Variants in LARGE1 observed in about 807,000 individuals in gnomAD.
The protein encoded by LARGE1 is LARGE xylosyl- and glucuronyltransferase 1.
In LARGE1, 43 loss-of-function variants were observed where a neutral mutation model predicts 87.6. The ratio of observed to expected loss-of-function variants is 0.49; its 90% CI spans 0.38 to 0.63. The LOEUF is 0.63. LARGE1 is among the 30% of genes least tolerant of loss of function. The pLI is 0.00. For missense variants in LARGE1, 802 were observed against 1,000.2 expected (o/e 0.80, Z 2.67); for synonymous variants, 434 against 394.6 (o/e 1.10, Z -1.18).
chr22:33,513,339 G>A (rs1291399991), intron 6 of LARGE1, among the ~76,000 whole-genome samples: 1 of 152,170 alleles, frequency 6.6e-6, no homozygotes. Flanking sequence ...AAGAAAAGCT[G>A]CCCAAGTCTA....
intron 10 of LARGE1, among the ~76,000 whole-genome samples, chr22:33,336,917 C>T (rs912589063): frequency 1.3e-5 from 2 of 151,890 alleles, no homozygotes; most frequent in Admixed American, 6.6e-5. Flanking sequence ...AAAAATTAGC[C>T]GGGTGTGGTG....
intron 1 of LARGE1, among the ~76,000 whole-genome samples, chr22:33,782,204 A>T (rs1242113731): frequency 4.6e-5 from 7 of 152,190 alleles, no homozygotes; most frequent in Non-Finnish European, 7.3e-5. Context: ...AAAATGTTTA[A>T]AGCACTAAAA....
chr22:33,561,357 G>A (rs1389987436), intron 6 of LARGE1, among the ~76,000 whole-genome samples: 2 of 152,182 alleles, frequency 1.3e-5, no homozygotes, highest in East Asian at 3.8e-4. Flanking sequence ...CAGAGTAGTT[G>A]GTAGTCAGAC....
At chr22:33,837,371 CAT>C (rs939071299) in intron 1 of LARGE1, among the ~76,000 whole-genome samples, 12 of 151,710 alleles carry the variant, frequency 7.9e-5, no homozygotes, top group African/African-American at 2.7e-4. Context: ...TTTATATATA[CAT>C]GTGTGTATGT....
chr22:33,300,119 T>G (rs1035697491), intron 12 of LARGE1, among the ~76,000 whole-genome samples: 4 of 152,176 alleles, frequency 2.6e-5, no homozygotes, highest in African/African-American at 7.2e-5. Flanking sequence ...GTCGGCCTGC[T>G]CTGGTACCCT....
intron 2 of LARGE1, among the ~76,000 whole-genome samples, chr22:33,684,024 AGGGTAGGAAGG>A (rs933145480): frequency 3.3e-5 from 5 of 152,174 alleles, no homozygotes; most frequent in African/African-American, 1.2e-4. Context: ...GACAGCCAGG[AGGGTAGGAAGG>A]TGTGGAGAGT....
intron 9 of LARGE1, among the ~76,000 whole-genome samples, chr22:33,339,617 CT>C (rs1317702977): frequency 6.6e-6 from 1 of 151,686 alleles, no homozygotes; most frequent in Non-Finnish European, 1.5e-5. Flanking sequence ...GACAGAAGGC[CT>C]TGTAGACAGT....
At chr22:33,117,997 C>G in the LARGE1 span, among the ~76,000 whole-genome samples, 1 of 152,130 alleles carries the variant, frequency 6.6e-6, no homozygotes, top group Non-Finnish European at 1.5e-5. Flanking sequence ...ACCTTTTGAT[C>G]ATTGTTTCTT....
At chr22:33,322,824 T>C (rs758945719) in intron 10 of LARGE1, 1 of 152,086 alleles carries the variant, frequency 6.6e-6, no homozygotes, top group Non-Finnish European at 1.5e-5. Context: ...ACAGTGGGTA[T>C]TGTAGAAAAA....
the LARGE1 span, among the ~76,000 whole-genome samples, chr22:33,104,955 CTCTTTCTCTCTTTCTT>C: frequency 5.2e-5 from 7 of 133,938 alleles, no homozygotes; most frequent in East Asian, 2.2e-4. Context: ...TTCTCTTTCT[CTCTTTCTCTCTTTCTT>C]TCTTTCTTTT....
At chr22:33,419,884 G>A (rs925370008) in intron 7 of LARGE1, among the ~76,000 whole-genome samples, 5 of 152,044 alleles carry the variant, frequency 3.3e-5, no homozygotes, top group Non-Finnish European at 5.9e-5. Flanking sequence ...AGTAGAGGTG[G>A]GGTTTCACCA....
intron 11 of LARGE1, among the ~76,000 whole-genome samples, chr22:33,244,247 G>A (rs544916168): frequency 2.8e-4 from 43 of 151,716 alleles, no homozygotes; most frequent in African/African-American, 1.0e-3. Flanking sequence ...CGCCCACTTC[G>A]GCCTCCCAAA....
chr22:33,489,554 C>T (rs1229575590), intron 6 of LARGE1, among the ~76,000 whole-genome samples: 1 of 152,138 alleles, frequency 6.6e-6, no homozygotes, highest in Admixed American at 6.5e-5. Flanking sequence ...GTGAATAAAT[C>T]TCACCAGATC....
chr22:33,571,756 G>A (rs1432326974), intron 5 of LARGE1, among the ~76,000 whole-genome samples: 1 of 152,020 alleles, frequency 6.6e-6, no homozygotes, highest in East Asian at 1.9e-4. Flanking sequence ...AAAGTTTGGT[G>A]GTCCTTTTCC....
chr22:33,669,007 C>T (rs1245546231), intron 2 of LARGE1, among the ~76,000 whole-genome samples: 1 of 152,206 alleles, frequency 6.6e-6, no homozygotes, highest in African/African-American at 2.4e-5. Context: ...TTTCAGCCAA[C>T]CTTGAGTCTT....
chr22:33,481,775 A>G (rs1602050421), intron 6 of LARGE1, among the ~76,000 whole-genome samples: 1 of 152,304 alleles, frequency 6.6e-6, no homozygotes, highest in East Asian at 1.9e-4. Flanking sequence ...GCAACTGCCA[A>G]CTGAAACAGA....
At chr22:33,622,710 T>C (rs1282692463) in intron 4 of LARGE1, among the ~76,000 whole-genome samples, 1 of 152,184 alleles carries the variant, frequency 6.6e-6, no homozygotes, top group African/African-American at 2.4e-5. Flanking sequence ...CAACGTCTCA[T>C]TTGCTGGCCC....
At chr22:33,841,936 C>G (rs1273300551) in intron 1 of LARGE1, among the ~76,000 whole-genome samples, 1 of 152,162 alleles carries the variant, frequency 6.6e-6, no homozygotes, top group East Asian at 1.9e-4. Flanking sequence ...TTAAAGCACA[C>G]GGGTGAATCA....
At chr22:33,918,867 C>A (rs1016506315) in intron 1 of LARGE1, among the ~76,000 whole-genome samples, 1 of 151,944 alleles carries the variant, frequency 6.6e-6, no homozygotes, top group Non-Finnish European at 1.5e-5. Context: ...CCACCTGCCA[C>A]CCCCTCCGTT....
Sources: allele counts gnomAD v4.1 joint callset (sites outside exome capture counted in the v4.1 genomes callset), GRCh38; gene constraint gnomAD v4.1.1; transcripts MANE v1.5; gene names NCBI Gene and HGNC (gene_info 2026-07-23, HGNC 2026-07-21).